The following PTPRD variants were observed in gnomAD, a reference collection of about 807,000 sequenced individuals.
PTPRD encodes the protein protein tyrosine phosphatase receptor type D.
Under a neutral mutation model 214.5 loss-of-function variants are expected in PTPRD, and 34 were observed. The observed-to-expected ratio is 0.16, with a 90% confidence interval of 0.12 to 0.21. The LOEUF (loss-of-function observed/expected upper bound fraction) is 0.21. PTPRD is among the 10% of genes least tolerant of loss of function. The probability of loss-of-function intolerance (pLI) is 1.00; values close to 1 mark genes in which losing one functional copy is unlikely to be tolerated. For missense variants in PTPRD, 2,545 were observed against 2,398.7 expected, an observed-to-expected ratio of 1.06 and a Z score of -1.27; for synonymous variants, 1,128 against 845.7, an observed-to-expected ratio of 1.33 and a Z score of -5.79.
intron 2 of PTPRD, among the ~76,000 whole-genome samples, chr9:10,466,803 T>C (rs1005766716): frequency 6.6e-6 from 1 of 152,072 alleles, no homozygotes; most frequent in Non-Finnish European, 1.5e-5. Flanking sequence ...TATGACTAGA[T>C]GGCTTAGTGG....
intron 11 of PTPRD, among the ~76,000 whole-genome samples, chr9:8,859,267 T>C (rs2098042179): frequency 6.6e-6 from 1 of 152,216 alleles, no homozygotes; most frequent in Non-Finnish European, 1.5e-5. Flanking sequence ...ATAACACCTC[T>C]TCCCTAGACA....
intron 8 of PTPRD, among the ~76,000 whole-genome samples, chr9:9,466,363 G>C (rs561710122): frequency 6.6e-6 from 1 of 152,220 alleles, no homozygotes; most frequent in South Asian, 2.1e-4. Context: ...TCCCAGATCA[G>C]TGTTCTAGAT....
At chr9:9,851,277 A>G (rs2153665257) in intron 5 of PTPRD, among the ~76,000 whole-genome samples, 1 of 152,332 alleles carries the variant, frequency 6.6e-6, no homozygotes, top group Middle Eastern at 3.4e-3. Flanking sequence ...TTAATGCAGT[A>G]TCGTATTGCT....
intron 2 of PTPRD, among the ~76,000 whole-genome samples, chr9:10,341,617 A>T (rs1271351067): frequency 1.3e-5 from 2 of 152,020 alleles, no homozygotes; most frequent in African/African-American, 4.8e-5. Context: ...TTATGCAAGA[A>T]ATCATGTAAG....
At position 9,524,166 on chromosome 9, in the gene PTPRD, G is replaced by A. The variant is rs575269908; in HGVS notation, c.-237+50566C>T. ...AGGGAAAGTACCCCTGAGAGACAGA[G>A]AGAGACAATTTCTGGAGGTGAGTAT... On this transcript the variant is annotated intron_variant, in intron 8 of 45. Transcript: ENST00000381196. 1.7e-4 allele frequency among the ~76,000 whole-genome samples: 26 copies of A among 152,290 alleles called. No homozygotes were observed. The East Asian group carries it at 4.6e-3, about 27-fold the overall frequency.
intron 11 of PTPRD, among the ~76,000 whole-genome samples, chr9:8,794,140 T>C (rs1429034356): frequency 6.6e-6 from 1 of 152,160 alleles, no homozygotes; most frequent in Non-Finnish European, 1.5e-5. Context: ...CCCCCTGTAT[T>C]TGTGGAAAGA....
At chr9:10,105,841 A>G (rs745342345) in intron 3 of PTPRD, among the ~76,000 whole-genome samples, 5 of 151,566 alleles carry the variant, frequency 3.3e-5, no homozygotes, top group Non-Finnish European at 4.4e-5. Flanking sequence ...GACCCCTGCA[A>G]TAGGGAAAGG....
chr9:9,873,493 A>C (rs1175857093), intron 5 of PTPRD, among the ~76,000 whole-genome samples: 1 of 152,116 alleles, frequency 6.6e-6, no homozygotes, highest in African/African-American at 2.4e-5. Context: ...AGGGCAGTTA[A>C]TAAGAGGTAA....
intron 8 of PTPRD, among the ~76,000 whole-genome samples, chr9:9,483,339 T>A (rs2095496108): frequency 6.6e-6 from 1 of 152,132 alleles, no homozygotes; most frequent in Non-Finnish European, 1.5e-5. Context: ...CAGAATACAA[T>A]TTAGAGTCAT....
chr9:9,909,854 T>C (rs2153825462), intron 5 of PTPRD, among the ~76,000 whole-genome samples: 1 of 152,022 alleles, frequency 6.6e-6, no homozygotes, highest in African/African-American at 2.4e-5. Flanking sequence ...TTCAATTATT[T>C]TTTCCCTAAC....
chr9:8,795,651 T>C (rs71507662), intron 11 of PTPRD, among the ~76,000 whole-genome samples: 460 of 152,294 alleles, frequency 3.0e-3, no homozygotes, highest in Non-Finnish European at 5.4e-3. Flanking sequence ...AGTAATATTT[T>C]CATCATAGCC....
chr9:8,494,881 T>C (rs561977016), intron 26 of PTPRD, among the ~76,000 whole-genome samples: 2 of 152,304 alleles, frequency 1.3e-5, no homozygotes, highest in East Asian at 1.9e-4. Context: ...TGTTTCAGTA[T>C]GCTCTGTGAG....
At chr9:9,434,172 T>G (rs1241113431) in intron 8 of PTPRD, among the ~76,000 whole-genome samples, 7 of 152,168 alleles carry the variant, frequency 4.6e-5, no homozygotes, top group African/African-American at 9.6e-5. Flanking sequence ...CAATGAAAAC[T>G]AAGATTAAGT....
At chr9:9,463,266 A>G (rs1019820657) in intron 8 of PTPRD, among the ~76,000 whole-genome samples, 8 of 152,160 alleles carry the variant, frequency 5.3e-5, no homozygotes, top group Non-Finnish European at 1.0e-4. Flanking sequence ...TTGAAGTTTA[A>G]ATTTGGAAAG....
At chr9:9,408,801 A>T (rs914802) in intron 8 of PTPRD, among the ~76,000 whole-genome samples, 2 of 151,674 alleles carry the variant, frequency 1.3e-5, no homozygotes, top group Admixed American at 1.3e-4. Flanking sequence ...AACATCCCTC[A>T]TACTGTCTGG....
chr9:8,898,787 G>A (rs2098641167), intron 11 of PTPRD, among the ~76,000 whole-genome samples: 1 of 152,100 alleles, frequency 6.6e-6, no homozygotes. Context: ...GGAGGACCAT[G>A]CATATCAGAC....
intron 8 of PTPRD, among the ~76,000 whole-genome samples, chr9:9,493,856 T>C (rs1189092728): frequency 1.3e-5 from 2 of 149,468 alleles, no homozygotes; most frequent in African/African-American, 2.5e-5. Flanking sequence ...ATATCTATCA[T>C]AGATAGTAAT....
intron 9 of PTPRD, among the ~76,000 whole-genome samples, chr9:9,190,219 G>A (rs920908843): frequency 5.9e-5 from 9 of 152,008 alleles, no homozygotes. Flanking sequence ...AGTTATTGCA[G>A]GAGTGAGCTC....
At chr9:8,565,036 T>A (rs1226245674) in intron 14 of PTPRD, among the ~76,000 whole-genome samples, 1 of 152,112 alleles carries the variant, frequency 6.6e-6, no homozygotes, top group East Asian at 1.9e-4. Context: ...TGCCCTCAAA[T>A]GAAAGTAATT....
Sources: allele counts gnomAD v4.1 joint callset (sites outside exome capture counted in the v4.1 genomes callset), GRCh38; gene constraint gnomAD v4.1.1; transcripts MANE v1.5; gene names NCBI Gene and HGNC (gene_info 2026-07-23, HGNC 2026-07-21).